The following ADARB2 variants were observed in gnomAD, a reference collection of about 807,000 sequenced individuals.
ADARB2 encodes adenosine deaminase RNA specific B2 (inactive), also known as inactive double-stranded RNA-specific editase B2.
Under a neutral mutation model 62.2 loss-of-function variants are expected in ADARB2, and 25 were observed. That is an observed-to-expected ratio of 0.40 (90% CI 0.29 to 0.56). The LOEUF (loss-of-function observed/expected upper bound fraction) is 0.56, where lower values mean the gene tolerates loss of function less well. ADARB2 is among the 20% of genes least tolerant of loss of function. The pLI, the probability that ADARB2 is intolerant of heterozygous loss-of-function variation, is 0.43. For missense variants in ADARB2, 1,071 were observed against 1,077.4 expected (o/e 0.99, Z 0.08); for synonymous variants, 572 against 500.8 (o/e 1.14, Z -1.90).
At chr10:1,585,633 C>T (rs1435914378) in intron 1 of ADARB2, among the ~76,000 whole-genome samples, 1 of 152,220 alleles carries the variant, frequency 6.6e-6, no homozygotes, top group Non-Finnish European at 1.5e-5. Flanking sequence ...CTACCTATGA[C>T]CTGGAAGCCC....
At chr10:1,196,935 A>T (rs563139851) in intron 8 of ADARB2, among the ~76,000 whole-genome samples, 34 of 152,324 alleles carry the variant, frequency 2.2e-4, no homozygotes, top group African/African-American at 7.9e-4. Context: ...AGCAAGATTT[A>T]TAATTTTTTC....
At chr10:1,243,101 G>C (rs1830943150) in intron 4 of ADARB2, among the ~76,000 whole-genome samples, 1 of 152,116 alleles carries the variant, frequency 6.6e-6, no homozygotes, top group Admixed American at 6.5e-5. Flanking sequence ...CTCCAAGCAA[G>C]GGCTCCCTAG....
At chr10:1,367,044 C>T (rs1024664276) in intron 2 of ADARB2, among the ~76,000 whole-genome samples, 5 of 152,196 alleles carry the variant, frequency 3.3e-5, no homozygotes, top group African/African-American at 9.7e-5. Flanking sequence ...CCCAGCCCCA[C>T]GCTCCCCGCC....
intron 1 of ADARB2, among the ~76,000 whole-genome samples, chr10:1,646,718 ACT>A (rs1172996243): frequency 6.6e-6 from 1 of 151,946 alleles, no homozygotes; most frequent in African/African-American, 2.4e-5. Context: ...AGCTCAGACA[ACT>A]CTCTCCCTTT....
chr10:1,705,993 T>C (rs998437263), intron 1 of ADARB2, among the ~76,000 whole-genome samples: 1 of 152,256 alleles, frequency 6.6e-6, no homozygotes, highest in Non-Finnish European at 1.5e-5. Flanking sequence ...TTTTATCTTC[T>C]TGTTTTTTGT....
chr10:1,493,845 G>A (rs569251797), intron 1 of ADARB2, among the ~76,000 whole-genome samples: 7 of 137,266 alleles, frequency 5.1e-5, no homozygotes, highest in Non-Finnish European at 7.6e-5. Context: ...TGCAACCTCC[G>A]CCTCCTGGGT....
chr10:1,260,035 A>G (rs1181444050), intron 4 of ADARB2, among the ~76,000 whole-genome samples: 4 of 151,328 alleles, frequency 2.6e-5, no homozygotes, highest in Non-Finnish European at 1.5e-5. Context: ...TATAAACAGA[A>G]CCAAAGGCAA....
At chr10:1,673,343 T>TGTG (rs60939023) in intron 1 of ADARB2, among the ~76,000 whole-genome samples, 2 of 150,246 alleles carry the variant, frequency 1.3e-5, no homozygotes, top group Admixed American at 1.3e-4. Flanking sequence ...TGTGTGTGTG[T>TGTG]ATGTGTGTGT....
intron 1 of ADARB2, among the ~76,000 whole-genome samples, chr10:1,651,360 G>T (rs920306141): frequency 6.6e-6 from 1 of 152,252 alleles, no homozygotes; most frequent in African/African-American, 2.4e-5. Context: ...CGAGCCCCAG[G>T]GGGTGTTGGG....
At chr10:1,558,762 A>T (rs12769934) in intron 1 of ADARB2, among the ~76,000 whole-genome samples, 3 of 8,260 alleles carry the variant, frequency 3.6e-4, no homozygotes, top group Admixed American at 1.2e-3. Flanking sequence ...CCTCCGCCCC[A>T]CTCCGTGGGT....
chr10:1,418,767 G>A (rs535468159), intron 1 of ADARB2, among the ~76,000 whole-genome samples: 42 of 152,246 alleles, frequency 2.8e-4, no homozygotes, highest in African/African-American at 9.9e-4. Flanking sequence ...AACTCAGTGA[G>A]CATTCCAAAG....
intron 3 of ADARB2, among the ~76,000 whole-genome samples, chr10:1,306,542 A>G (rs916413554): frequency 6.6e-6 from 1 of 151,900 alleles, no homozygotes; most frequent in Non-Finnish European, 1.5e-5. Flanking sequence ...CTGTCTTCAC[A>G]GAATTGGAAA....
At chr10:1,645,619 G>A (rs748998003) in intron 1 of ADARB2, among the ~76,000 whole-genome samples, 4 of 152,136 alleles carry the variant, frequency 2.6e-5, no homozygotes, top group East Asian at 1.9e-4. Flanking sequence ...GTATTTAAAC[G>A]TACATCTAAG....
chr10:1,205,409 A>G (rs1837041538), intron 7 of ADARB2, among the ~76,000 whole-genome samples: 1 of 108,236 alleles, frequency 9.2e-6, no homozygotes, highest in African/African-American at 2.8e-5. Context: ...CCTGAGGGAG[A>G]CAACTCACTG....
At chr10:1,647,535 TTA>T (rs1266144520) in intron 1 of ADARB2, among the ~76,000 whole-genome samples, 33 of 152,114 alleles carry the variant, frequency 2.2e-4, no homozygotes, top group Admixed American at 2.1e-3. Context: ...GCATGTGTGT[TTA>T]TGTGAGTATA....
At chr10:1,466,876 G>C (rs1183561632) in intron 1 of ADARB2, among the ~76,000 whole-genome samples, 1 of 152,164 alleles carries the variant, frequency 6.6e-6, no homozygotes, top group Non-Finnish European at 1.5e-5. Context: ...CTGGAACCCA[G>C]GGAAGGTAAA....
At chr10:1,559,356 C>T (rs10794760) in intron 1 of ADARB2, among the ~76,000 whole-genome samples, 5 of 152,022 alleles carry the variant, frequency 3.3e-5, no homozygotes, top group African/African-American at 1.2e-4. Flanking sequence ...GAGATGCTAA[C>T]GTGCGTGGTG....
chr10:1,512,487 C>G (rs907260288), intron 1 of ADARB2, among the ~76,000 whole-genome samples: 1 of 152,220 alleles, frequency 6.6e-6, no homozygotes, highest in Non-Finnish European at 1.5e-5. Context: ...CGTTGGCCAT[C>G]TAATCCTCAA....
At chr10:1,578,551 C>T (rs55714467) in intron 1 of ADARB2, among the ~76,000 whole-genome samples, 35,272 of 151,724 alleles carry the variant, frequency 0.23, 4,815 homozygotes, top group Non-Finnish European at 0.32. Context: ...GGGCCCTTGG[C>T]GTGGGTCTGG....
Sources: gnomAD v4.1 joint callset for allele counts (sites outside exome capture counted in the v4.1 genomes callset) on GRCh38, gnomAD v4.1.1 for gene constraint, MANE v1.5 for transcripts, NCBI Gene and HGNC (gene_info 2026-07-23, HGNC 2026-07-21) for gene names.